Variants in PTGER3 observed in about 807,000 individuals in gnomAD.
PTGER3 encodes the protein prostaglandin E2 receptor EP3 subtype.
In PTGER3, 22 loss-of-function variants were observed where a neutral mutation model predicts 34.7. That is an observed-to-expected ratio of 0.63 (90% CI 0.45 to 0.91). The LOEUF (loss-of-function observed/expected upper bound fraction) is 0.91. Ranked by LOEUF, PTGER3 falls within the 40% of genes least tolerant of loss-of-function variation. PTGER3 has a pLI of 0.00. For missense variants in PTGER3, 468 were observed against 519.4 expected, an observed-to-expected ratio of 0.90 and a Z score of 0.96; for synonymous variants, 241 against 230.1, an observed-to-expected ratio of 1.05 and a Z score of -0.43.
intron 1 of PTGER3, among the ~76,000 whole-genome samples, chr1:71,041,551 C>G (rs939352473): frequency 6.6e-6 from 1 of 152,010 alleles, no homozygotes; most frequent in Non-Finnish European, 1.5e-5. Context: ...ATAAGAGGAA[C>G]CCCCCCAAAA....
At chr1:70,955,027 A>C (rs1258285040) in intron 2 of PTGER3, among the ~76,000 whole-genome samples, 1 of 152,152 alleles carries the variant, frequency 6.6e-6, no homozygotes, top group African/African-American at 2.4e-5. Flanking sequence ...TTCTTTAAGA[A>C]ACTATAATTA....
intron 2 of PTGER3, among the ~76,000 whole-genome samples, chr1:70,985,611 C>T (rs1397848047): frequency 6.6e-6 from 1 of 152,054 alleles, no homozygotes; most frequent in Non-Finnish European, 1.5e-5. Context: ...ATAATGTGAA[C>T]CTGTGATCAA....
At chr1:70,944,878 C>T (rs1390092134) in intron 4 of PTGER3, among the ~76,000 whole-genome samples, 2 of 152,048 alleles carry the variant, frequency 1.3e-5, no homozygotes, top group Non-Finnish European at 2.9e-5. Context: ...TCACCAGAGC[C>T]AATCAGAATA....
intron 2 of PTGER3, among the ~76,000 whole-genome samples, chr1:70,964,979 C>A (rs984345943): frequency 3.3e-5 from 5 of 152,016 alleles, no homozygotes; most frequent in African/African-American, 9.7e-5. Flanking sequence ...CACAGAAAAA[C>A]GTTTTCTAAA....
intron 4 of PTGER3, among the ~76,000 whole-genome samples, chr1:70,913,197 A>G (rs1647098730): frequency 6.6e-6 from 1 of 151,728 alleles, no homozygotes; most frequent in South Asian, 2.1e-4. Flanking sequence ...TCAGTGTACC[A>G]TTTTTTTGTG....
intron 4 of PTGER3, among the ~76,000 whole-genome samples, chr1:70,917,499 A>T (rs1647207239): frequency 6.7e-6 from 1 of 149,172 alleles, no homozygotes; most frequent in Non-Finnish European, 1.5e-5. Context: ...GGCTATTGTG[A>T]ATAGCACTGC....
exon 4 of PTGER3, chr1:70,952,715 A>G (rs1486859673): frequency 4.8e-6 from 6 of 1,245,486 alleles, no homozygotes; most frequent in Non-Finnish European, 3.0e-6. Flanking sequence ...CGAGTGACCA[A>G]CCAGTTTGTT....
At chr1:70,982,354 G>T (rs1654463939) in intron 2 of PTGER3, among the ~76,000 whole-genome samples, 2 of 152,068 alleles carry the variant, frequency 1.3e-5, no homozygotes, top group African/African-American at 4.8e-5. Flanking sequence ...CCACCCCCCA[G>T]GCTGTTGGGA....
chr1:70,925,952 C>A (rs1648038171), intron 4 of PTGER3, among the ~76,000 whole-genome samples: 1 of 152,072 alleles, frequency 6.6e-6, no homozygotes, highest in Admixed American at 6.6e-5. Flanking sequence ...CTCAATATTG[C>A]ATTTTTGAAC....
chr1:70,910,753 A>G (rs1339504066), intron 4 of PTGER3, among the ~76,000 whole-genome samples: 6 of 152,220 alleles, frequency 3.9e-5, no homozygotes, highest in Admixed American at 3.3e-4. Flanking sequence ...AGCATTGGTT[A>G]GAAAAAATGT....
rs1464304075 is a variant in PTGER3 at position 70,865,420 on chromosome 1, A to T, written c.*24-12561T>A. Among the ~76,000 whole-genome samples, 6 of 152,144 alleles carry T rather than the reference A, an allele frequency of 3.9e-5. No homozygotes were observed. The East Asian group carries it at 1.2e-3, about 29-fold the overall frequency. ...ACTGCAATCAGACAGGCAAGAGATT[A>T]TGAGGGACCCCTTTAAGGAATTAAC... On this transcript the variant is annotated intron_variant, in intron 4 of 4. Coordinates refer to the PTGER3 transcript ENST00000370931.
At chr1:70,947,650 G>A (rs532496324), downstream of PTGER3, among the ~76,000 whole-genome samples, 13 of 152,098 alleles carry the variant, frequency 8.5e-5, no homozygotes, top group South Asian at 4.2e-4. Context: ...CCTTCACATC[G>A]GACAATGCAC....
At chr1:70,865,747 G>A (rs5702) in intron 4 of PTGER3, 326,367 of 1,365,888 alleles carry the variant, frequency 0.24, 41,405 homozygotes, top group Admixed American at 0.42. Flanking sequence ...AAGACATGGC[G>A]GGAAAGGACA....
At chr1:70,869,734 T>A (rs909557910) in intron 4 of PTGER3, among the ~76,000 whole-genome samples, 6 of 152,328 alleles carry the variant, frequency 3.9e-5, no homozygotes, top group Admixed American at 3.9e-4. Context: ...TAGTCTCATT[T>A]GACTCCATGC....
chr1:70,893,996 A>C (rs1646672291), intron 4 of PTGER3, among the ~76,000 whole-genome samples: 1 of 152,216 alleles, frequency 6.6e-6, no homozygotes, highest in Non-Finnish European at 1.5e-5. Context: ...TTTGGTCAGA[A>C]TGAAAAATAA....
Position 70,875,446 on chromosome 1 carries a change from T to C in PTGER3, c.*24-22587A>G, listed in dbSNP as rs1471803817. Among the ~76,000 whole-genome samples the C allele has an allele frequency of 2.0e-5, 3 of 152,186 alleles. No individual in the cohort carries two copies. In the East Asian group the frequency reaches 5.8e-4, roughly 29 times the overall value. ...CTGTGTCCTTGTTTTAGGAGAAGAA[T>C]ACAATTTCTTTTTTCTTCTTTTTAT... On this transcript the variant is annotated intron_variant, in intron 4 of 4. Coordinates refer to the PTGER3 transcript ENST00000370931.
At chr1:70,929,782 T>C (rs1167368103) in intron 4 of PTGER3, among the ~76,000 whole-genome samples, 1 of 152,162 alleles carries the variant, frequency 6.6e-6, no homozygotes, top group Non-Finnish European at 1.5e-5. Flanking sequence ...AGAAAAAGTA[T>C]TTGTAGGGAA....
At chr1:70,943,263 G>A (rs1649918862) in intron 4 of PTGER3, among the ~76,000 whole-genome samples, 1 of 152,082 alleles carries the variant, frequency 6.6e-6, no homozygotes. Context: ...TCCACAACTT[G>A]CAACTTACCA....
intron 1 of PTGER3, among the ~76,000 whole-genome samples, chr1:71,034,191 A>ATG (rs1349340215): frequency 8.2e-6 from 1 of 121,780 alleles, no homozygotes; most frequent in East Asian, 2.5e-4. Context: ...TGTGAGTTAT[A>ATG]TTAATAACTA....
Sources: gnomAD v4.1 joint callset for allele counts (sites outside exome capture counted in the v4.1 genomes callset) on GRCh38, gnomAD v4.1.1 for gene constraint, MANE v1.5 for transcripts, NCBI Gene and HGNC (gene_info 2026-07-23, HGNC 2026-07-21) for gene names.